TAF3: variants seen among roughly 807,000 people sequenced by gnomAD.
TAF3 encodes TATA-box binding protein associated factor 3.
Under a neutral mutation model 80.6 loss-of-function variants are expected in TAF3, and 7 were observed. The observed-to-expected ratio is 0.09, with a 90% CI of 0.05 to 0.16. The LOEUF is 0.16. TAF3 is among the 10% of genes least tolerant of loss of function. The probability of loss-of-function intolerance (pLI) is 1.00; values close to 1 mark genes in which losing one functional copy is unlikely to be tolerated. For missense variants in TAF3, 921 were observed against 1,140.2 expected, an observed-to-expected ratio of 0.81 and a Z score of 2.77; for synonymous variants, 444 against 446.1, an observed-to-expected ratio of 1.00 and a Z score of 0.06.
chr10:7,976,340 G>C (rs1831672527), intron 3 of TAF3, among the ~76,000 whole-genome samples: 1 of 150,912 alleles, frequency 6.6e-6, no homozygotes, highest in Non-Finnish European at 1.5e-5. Context: ...TCCACCTCCT[G>C]AGTTCAAGCG....
At chr10:7,868,820 A>G (rs1233851860) in intron 2 of TAF3, among the ~76,000 whole-genome samples, 1 of 152,196 alleles carries the variant, frequency 6.6e-6, no homozygotes, top group Non-Finnish European at 1.5e-5. Context: ...TATCTGTTTT[A>G]CTTATAAGGC....
At chr10:7,997,195 G>A (rs77661504) in intron 4 of TAF3, among the ~76,000 whole-genome samples, 1,853 of 152,264 alleles carry the variant, frequency 0.012, 12 homozygotes, top group Non-Finnish European at 0.02. Context: ...AAGTGGTTGC[G>A]ATAGTTTTTA....
intron 2 of TAF3, among the ~76,000 whole-genome samples, chr10:7,948,130 A>G (rs1201144705): frequency 6.6e-6 from 1 of 151,426 alleles, no homozygotes; most frequent in Non-Finnish European, 1.5e-5. Context: ...TGGTACGAAC[A>G]TAGTTCACTG....
At chr10:7,847,778 T>C (rs965740097) in intron 2 of TAF3, among the ~76,000 whole-genome samples, 79 of 152,026 alleles carry the variant, frequency 5.2e-4, no homozygotes, top group African/African-American at 1.9e-3. Flanking sequence ...CTTTTTTTCT[T>C]AATTTTGAGA....
At chr10:7,898,379 T>C (rs1837526253) in intron 2 of TAF3, among the ~76,000 whole-genome samples, 3 of 151,930 alleles carry the variant, frequency 2.0e-5, no homozygotes, top group Admixed American at 1.3e-4. Context: ...AAACCCCGTC[T>C]CTACAAAAAT....
chr10:7,841,147 G>A lies in TAF3; in HGVS notation c.409+16587G>A, dbSNP rs548697358. ...ATTACAGGCGTGAGCTGCCGCGCCC[G>A]GCCTAGAGCTTTCCTATTTCAGATA... On this transcript the variant is annotated intron_variant, in intron 2 of 6. Coordinates refer to ENST00000344293, the MANE Select transcript of TAF3 (RefSeq NM_031923.4). Among the ~76,000 whole-genome samples, 7 of 152,298 alleles carry A rather than the reference G, an allele frequency of 4.6e-5. No homozygotes were observed. The South Asian group carries it at 1.2e-3, about 27-fold the overall frequency.
intron 4 of TAF3, among the ~76,000 whole-genome samples, chr10:7,991,818 G>A (rs1401445793): frequency 1.3e-5 from 2 of 152,058 alleles, no homozygotes; most frequent in African/African-American, 2.4e-5. Flanking sequence ...ATTTTGAAGT[G>A]GTAATGTTGG....
Position 7,950,773 on chromosome 10 carries a change from G to A in TAF3, c.410-13147G>A, listed in dbSNP as rs543647155. Among the ~76,000 whole-genome samples, 6 of 152,264 alleles carry A rather than the reference G, an allele frequency of 3.9e-5. No homozygotes were observed. In the East Asian group the frequency reaches 9.7e-4, roughly 24 times the overall value. ...CACTCTGCCTTTGGTGTCAGCTCTC[G>A]CACTATAAGGAAGTGTGGTTTTCAC... On this transcript the variant is annotated intron_variant, in intron 2 of 6. Coordinates refer to ENST00000344293, the MANE Select transcript of TAF3 (RefSeq NM_031923.4).
chr10:7,822,445 ATTTTC>A (rs1836699451), intron 1 of TAF3, among the ~76,000 whole-genome samples: 1 of 151,648 alleles, frequency 6.6e-6, no homozygotes, highest in Non-Finnish European at 1.5e-5. Context: ...CGTTTTATTT[ATTTTC>A]TTTTTTTAAT....
At chr10:7,841,522 A>G (rs1395807518) in intron 2 of TAF3, among the ~76,000 whole-genome samples, 1 of 152,240 alleles carries the variant, frequency 6.6e-6, no homozygotes. Flanking sequence ...AAGGGAATCA[A>G]TGGATATTTT....
At chr10:7,989,051 C>T (rs935303485) in intron 4 of TAF3, among the ~76,000 whole-genome samples, 2 of 151,986 alleles carry the variant, frequency 1.3e-5, no homozygotes, top group African/African-American at 2.4e-5. Flanking sequence ...TAGCTTTGCC[C>T]CAAGTGGTGG....
rs146891892 is a variant in TAF3, at chr10:7,865,243, G to A, written c.409+40683G>A. On this transcript the variant is annotated intron_variant, in intron 2 of 6. Transcript: ENST00000344293. ...AGCACTCTGGGAGGCCGAGGCGGGC[G>A]GATCATGAGGTCAGGAGATCAAGAC... is the stretch of plus-strand genomic sequence containing the variant. Among the ~76,000 whole-genome samples, 1,421 of 152,112 alleles carry A rather than the reference G, an allele frequency of 9.3e-3. 21 individuals are homozygous for A. The highest frequency in any genetic ancestry group is 0.03 in the African/African-American group (1,231 of 41,486).
intron 3 of TAF3, chr10:7,974,959 A>G (rs770860100): frequency 5.8e-6 from 1 of 173,672 alleles, no homozygotes; most frequent in Non-Finnish European, 1.2e-5. Flanking sequence ...CTGTAATCCC[A>G]GCTACTCTGG....
At chr10:7,877,362 A>G (rs1434790678) in intron 2 of TAF3, among the ~76,000 whole-genome samples, 1 of 152,174 alleles carries the variant, frequency 6.6e-6, no homozygotes, top group East Asian at 1.9e-4. Context: ...TATTTCACAT[A>G]ATAATTTCTC....
intron 1 of TAF3, among the ~76,000 whole-genome samples, chr10:7,821,357 C>T (rs1166847675): frequency 6.6e-6 from 1 of 152,062 alleles, no homozygotes; most frequent in Non-Finnish European, 1.5e-5. Context: ...CCTTTAAATC[C>T]TTTCTGTTGT....
Position 7,865,348 on chromosome 10 carries a change from G to A in TAF3, c.409+40788G>A, listed in dbSNP as rs192570942. ...CAAAAAATTAGCCAGGTATGGTGGC[G>A]GGCGCCTGTAGTCCCAGCTACTCGG... On this transcript the variant is annotated intron_variant, in intron 2 of 6. Coordinates refer to ENST00000344293, the MANE Select transcript of TAF3 (RefSeq NM_031923.4). Among the ~76,000 whole-genome samples, 17 of 152,172 alleles carry A rather than the reference G, an allele frequency of 1.1e-4. No homozygotes were observed. The East Asian group carries it at 1.2e-3, about 10-fold the overall frequency.
At chr10:7,844,894 G>A (rs1191509856) in intron 2 of TAF3, among the ~76,000 whole-genome samples, 1 of 151,690 alleles carries the variant, frequency 6.6e-6, no homozygotes, top group African/African-American at 2.4e-5. Context: ...TTAGCCAATC[G>A]CTTATTGTTG....
chr10:7,991,526 A>T (rs1373098066), intron 4 of TAF3, among the ~76,000 whole-genome samples: 1 of 152,084 alleles, frequency 6.6e-6, no homozygotes, highest in Non-Finnish European at 1.5e-5. Context: ...ATTAACAGAG[A>T]TATAATATTA....
intron 4 of TAF3, among the ~76,000 whole-genome samples, chr10:7,988,775 A>G (rs998060484): frequency 6.7e-6 from 1 of 150,140 alleles, no homozygotes; most frequent in Non-Finnish European, 1.5e-5. Flanking sequence ...AAAAAAATCA[A>G]GATTATCAAG....
Sources: allele counts gnomAD v4.1 joint callset (sites outside exome capture counted in the v4.1 genomes callset), GRCh38; gene constraint gnomAD v4.1.1; transcripts MANE v1.5; gene names NCBI Gene and HGNC (gene_info 2026-07-23, HGNC 2026-07-21).